Variants in VPS35L observed in about 807,000 individuals in gnomAD.
The protein encoded by VPS35L is VPS35 endosomal protein-sorting factor-like.
Under a neutral mutation model 133.0 loss-of-function variants are expected in VPS35L, and 83 were observed. That is an observed-to-expected ratio of 0.62 (90% confidence interval 0.52 to 0.75). The LOEUF is 0.75. Among genes scored for constraint, VPS35L ranks in the 30% least tolerant of loss-of-function variants. VPS35L has a pLI of 0.00. For missense variants in VPS35L, 1,083 were observed against 1,206.8 expected, an observed-to-expected ratio of 0.90 and a Z score of 1.52; for synonymous variants, 423 against 449.9, an observed-to-expected ratio of 0.94 and a Z score of 0.76.
At chr16:19,682,523 C>A in intron 28 of VPS35L, 133 bp downstream of exon 28, 2 of 996,504 alleles carry the variant, frequency 2.0e-6, no homozygotes, top group Non-Finnish European at 2.9e-6. Context: ...CAGGGTCTCA[C>A]TGTATTTACC....
chr16:19,581,807 G>A, intron 7 of VPS35L, 154 bp downstream of exon 7: 1 of 947,530 alleles, frequency 1.1e-6, no homozygotes, highest in Non-Finnish European at 1.6e-6. Flanking sequence ...CCATGATTAT[G>A]AATCTGTGTT....
At chr16:19,631,875 G>C (rs560306843) in intron 18 of VPS35L, among the ~76,000 whole-genome samples, 1 of 151,610 alleles carries the variant, frequency 6.6e-6, no homozygotes, top group African/African-American at 2.4e-5. Context: ...TGTAGAGATG[G>C]GGTCTTGCCA....
chr16:19,555,999 A>G (rs924054381), intron 1 of VPS35L, among the ~76,000 whole-genome samples: 11 of 152,080 alleles, frequency 7.2e-5, no homozygotes, highest in Middle Eastern at 3.4e-3. Flanking sequence ...CTGTCCATTC[A>G]TTCCCTAAAG....
chr16:19,694,707 C>G (rs1975840860), intron 29 of VPS35L, among the ~76,000 whole-genome samples: 1 of 152,058 alleles, frequency 6.6e-6, no homozygotes, highest in Non-Finnish European at 1.5e-5. Context: ...CAGGCTAGTC[C>G]TAAAATACTG....
intron 20 of VPS35L, among the ~76,000 whole-genome samples, chr16:19,638,399 A>G (rs12928446): frequency 0.16 from 23,744 of 152,180 alleles, 4,041 homozygotes; most frequent in African/African-American, 0.42. Context: ...CTTATCCAGG[A>G]GGAATATACA....
chr16:19,666,504 T>C (rs1420794234), intron 26 of VPS35L, among the ~76,000 whole-genome samples: 1 of 152,212 alleles, frequency 6.6e-6, no homozygotes, highest in Admixed American at 6.5e-5. Context: ...GCAAGTCTTC[T>C]GAGGATAGAA....
intron 3 of VPS35L, among the ~76,000 whole-genome samples, chr16:19,572,610 C>T (rs569672948): frequency 6.6e-6 from 1 of 152,208 alleles, no homozygotes; most frequent in South Asian, 2.1e-4. Flanking sequence ...TGGTCTTTTC[C>T]AACTATCCTT....
At chr16:19,606,591 C>T (rs1345582934) in intron 9 of VPS35L, among the ~76,000 whole-genome samples, 1 of 152,058 alleles carries the variant, frequency 6.6e-6, no homozygotes, top group Non-Finnish European at 1.5e-5. Flanking sequence ...TAGAGAAGTA[C>T]CTAGAGGTTT....
chr16:19,625,090 G>C (rs1183443136), intron 14 of VPS35L, among the ~76,000 whole-genome samples: 1 of 150,222 alleles, frequency 6.7e-6, no homozygotes, highest in African/African-American at 2.4e-5. Flanking sequence ...AAAAAAATCT[G>C]CTTCCTTTGG....
At chr16:19,565,967 G>A (rs977739867) in intron 2 of VPS35L, among the ~76,000 whole-genome samples, 1 of 152,194 alleles carries the variant, frequency 6.6e-6, no homozygotes, top group Non-Finnish European at 1.5e-5. Flanking sequence ...GGTTGGTACT[G>A]TCTTATTAGC....
intron 26 of VPS35L, chr16:19,652,357 A>C: frequency 3.4e-6 from 1 of 297,456 alleles, no homozygotes; most frequent in Non-Finnish European, 6.4e-6. Context: ...TTTTATAGAG[A>C]TGGAGTTTCG....
Position 19,616,181 on chromosome 16 carries a change from C to T in VPS35L, c.1091C>T (p.Thr364Met), listed in dbSNP as rs200808620. The T allele has an allele frequency of 8.9e-5, 144 of 1,610,144 alleles. No homozygotes were observed. Among genetic ancestry groups the T allele is most frequent in the Admixed American group, 2.7e-4 (16 of 59,962 alleles). The change falls in exon 13 of 31, where the codon ACG becomes ATG. Residue 364 changes from threonine (T) to methionine (M), a missense_variant. Coordinates refer to ENST00000417362, the MANE Select transcript of VPS35L (RefSeq NM_020314.7). ...AAGAACTTTTTTGACTTCCTCCTTA[C>T]GTTCAAACAGGTAAGAGAACACTAT... ...LNKNFFDFLL[T>M]FKQIHGDTVQ... is the part of the protein sequence containing the mutation.
At chr16:19,697,157 G>A (rs1441640586) in intron 29 of VPS35L, among the ~76,000 whole-genome samples, 1 of 152,220 alleles carries the variant, frequency 6.6e-6, no homozygotes, top group African/African-American at 2.4e-5. Flanking sequence ...GGGCCTGGGC[G>A]CCCACAGCAC....
chr16:19,627,755 A>G lies in VPS35L; in HGVS notation c.1333A>G (p.Met445Val), dbSNP rs1004973880. 5.0e-6 allele frequency: 8 copies of G among 1,613,974 alleles called. No individual in the cohort carries two copies. Among genetic ancestry groups the G allele is most frequent in the Admixed American group, 3.3e-5 (2 of 59,994 alleles). The change falls in exon 16 of 31, where the codon ATG becomes GTG. Residue 445 changes from methionine to valine, a missense_variant. Met to Val is a conservative substitution (Grantham distance 21, BLOSUM62 1). Coordinates refer to ENST00000417362, the MANE Select transcript of VPS35L (RefSeq NM_020314.7). ...FRAEFIATRS[M>V]DFIGMIKECD... ...GGCTGAGTTCATCGCCACAAGGTCT[A>G]TGGATTTCATTGGCATGATTAAAGA...
chr16:19,666,189 C>T (rs1303608097), intron 26 of VPS35L, among the ~76,000 whole-genome samples: 6 of 151,990 alleles, frequency 3.9e-5, no homozygotes, highest in Non-Finnish European at 8.8e-5. Context: ...TTGATGTGAT[C>T]CCATTTGTCC....
At chr16:19,565,392 G>C (rs998178522) in intron 2 of VPS35L, among the ~76,000 whole-genome samples, 10 of 151,992 alleles carry the variant, frequency 6.6e-5, no homozygotes, top group Non-Finnish European at 1.0e-4. Flanking sequence ...GCCCAGGCTG[G>C]AGTGCAGTGG....
intron 27 of VPS35L, among the ~76,000 whole-genome samples, chr16:19,675,742 GT>G (rs1252505571): frequency 6.6e-6 from 1 of 151,748 alleles, no homozygotes; most frequent in African/African-American, 2.4e-5. Flanking sequence ...TAGAGACAAT[GT>G]TTCACCATGT....
chr16:19,626,188 C>G lies in VPS35L; in HGVS notation c.1236C>G (p.Thr412=), dbSNP rs746766882. The stretch of plus-strand genomic sequence containing the variant: ...TTTTAACATAATAGGCTCTGCTGAC[C>G]GAGATGATGGAAAGGTGTAAGAAAC... ...ISYHAPEALL[T]EMMERCKKLG... is the part of the protein sequence containing the mutation. The change falls in exon 15 of 31, where the codon ACC becomes ACG. Residue 412 remains threonine (T), a synonymous_variant. Coordinates refer to ENST00000417362, the MANE Select transcript of VPS35L (RefSeq NM_020314.7). 1 of 1,595,040 alleles carries G rather than the reference C, an allele frequency of 6.3e-7. No homozygotes were observed. The highest frequency in any genetic ancestry group is 8.6e-7 in the Non-Finnish European group (1 of 1,168,400).
rs1973722382 is a variant in VPS35L at position 19,639,553 on chromosome 16, A to G, written c.1699-462A>G. Among the ~76,000 whole-genome samples, 1 of 152,140 alleles carries G rather than the reference A, an allele frequency of 6.6e-6. No homozygotes were observed. Among genetic ancestry groups the G allele is most frequent in the South Asian group, 2.1e-4 (1 of 4,824 alleles). On this transcript the variant is annotated intron_variant, in intron 20 of 30. Coordinates refer to ENST00000417362, the MANE Select transcript of VPS35L (RefSeq NM_020314.7). This position sits in a 1 kb window ranked among gnomAD's most constrained non-coding sequence, Gnocchi z 4.1. ...GTTTGTTTGTTTATTTTTGAGATAGAGTCTTGCTCTGTCACCCAGGCTAGA... is the reference window on the plus strand; with the variant it reads ...GTTTGTTTGTTTATTTTTGAGATAGGGTCTTGCTCTGTCACCCAGGCTAGA...
Sources: allele counts gnomAD v4.1 joint callset (sites outside exome capture counted in the v4.1 genomes callset), GRCh38; gene constraint gnomAD v4.1.1; non-coding constraint Gnocchi (gnomAD v3.1); transcripts MANE v1.5; gene names NCBI Gene and HGNC (gene_info 2026-07-23, HGNC 2026-07-21).